Variants in CNTROB observed in about 807,000 individuals in gnomAD.
CNTROB encodes the protein centrobin.
A neutral mutation model predicts 115.7 loss-of-function variants in CNTROB; 82 were observed. The ratio of observed to expected loss-of-function variants is 0.71; its 90% CI spans 0.59 to 0.85. The LOEUF (loss-of-function observed/expected upper bound fraction) is 0.85. CNTROB is among the 40% of genes least tolerant of loss of function. CNTROB has a pLI of 0.00. For missense variants in CNTROB, 1,014 were observed against 1,144.4 expected (o/e 0.89, Z 1.64); for synonymous variants, 439 against 456.4 (o/e 0.96, Z 0.49).
Position 7,933,103 on chromosome 17 carries a change from C to T in CNTROB, c.24C>T (p.Pro8=). 1 of 1,614,142 alleles carries T rather than the reference C, an allele frequency of 6.2e-7. No individual in the cohort carries two copies. Among genetic ancestry groups the T allele is most frequent in the Non-Finnish European group, 8.5e-7 (1 of 1,180,014 alleles). MATSADS[P]SSPLGAEDLL... ...TCATGGCAACATCAGCTGACAGCCCCAGTTCACCCCTCGGGGCGGAGGATC... is the reference window on the plus strand; with the variant it reads ...TCATGGCAACATCAGCTGACAGCCCTAGTTCACCCCTCGGGGCGGAGGATC... The change falls in exon 1 of 19, where the codon CCC becomes CCT. Residue 8 remains proline (P), a synonymous_variant. Coordinates refer to ENST00000563694, the MANE Select transcript of CNTROB (RefSeq NM_053051.5).
chr17:7,935,087 A>G lies in CNTROB; in HGVS notation c.536A>G (p.Asn179Ser), dbSNP rs772353465. 19 of 1,613,858 alleles carry G rather than the reference A, an allele frequency of 1.2e-5. No homozygotes were observed. The East Asian group carries it at 4.2e-4, about 36-fold the overall frequency. ...YTSLRPGPPL[N>S]PPDFQGLRDA... ...AGCCTTCGGCCAGGGCCTCCACTCAATCCCCCAGATTTTCAGGGGCTGAGA... is the reference window on the plus strand; with the variant it reads ...AGCCTTCGGCCAGGGCCTCCACTCAGTCCCCCAGATTTTCAGGGGCTGAGA... The change falls in exon 4 of 19, where the codon AAT becomes AGT. Residue 179 changes from asparagine to serine, a missense_variant. Coordinates refer to ENST00000563694, the MANE Select transcript of CNTROB (RefSeq NM_053051.5).
chr17:7,934,145 C>A lies in CNTROB; in HGVS notation c.278C>A (p.Ser93Tyr). 6.2e-7 allele frequency: 1 copy of A among 1,613,974 alleles called. No homozygotes were observed. The highest frequency in any genetic ancestry group is 1.1e-5 in the South Asian group (1 of 91,082). Residue 93 changes from serine to tyrosine, a missense_variant, in exon 2 of 19, where the codon TCT becomes TAT. By Grantham distance (144) the Ser-to-Tyr change is moderately radical. Coordinates refer to ENST00000563694, the MANE Select transcript of CNTROB (RefSeq NM_053051.5). ...LEKNLKKKDG[S>Y]KHIFEMESVR... is the part of the protein sequence containing the mutation. ...CATGTGGCTTTTTTCCAGGATGGTTCTAAGCATATCTTTGAGATGGAAAGT... is the reference window on the plus strand; with the variant it reads ...CATGTGGCTTTTTTCCAGGATGGTTATAAGCATATCTTTGAGATGGAAAGT...
rs1187317156 is a variant in CNTROB at position 7,932,806 on chromosome 17, T to C, written c.-274T>C. ...AGCAGCGCTGTTGTCCCACAGTAGG[T>C]CTTCTGTCCGCACCCGCTCTGCGCT... On this transcript the variant is annotated 5_prime_UTR_variant, in exon 1 of 19. Coordinates refer to ENST00000563694, the MANE Select transcript of CNTROB (RefSeq NM_053051.5). The C allele has an allele frequency of 2.4e-6, 1 of 418,676 alleles. No homozygotes were observed. The highest frequency in any genetic ancestry group is 4.3e-6 in the Non-Finnish European group (1 of 234,966). 25.9% of individuals were successfully genotyped at this position (418,676 alleles called of 1,614,324 possible).
rs778288300 is a variant in CNTROB, at chr17:7,945,818, C to T, written c.1825C>T (p.Leu609=). The change falls in exon 13 of 19, where the codon CTG becomes TTG. Residue 609 remains leucine (L), a synonymous_variant. Transcript: ENST00000563694. ...VWTMPPMAVA[L]KPVLQQSREA... ...GACTATGCCTCCCATGGCCGTGGCCCTGAAGCCTGTATTGCAGCAGAGCCG... is the reference window on the plus strand; with the variant it reads ...GACTATGCCTCCCATGGCCGTGGCCTTGAAGCCTGTATTGCAGCAGAGCCG... 2 of 1,614,226 alleles carry T rather than the reference C, an allele frequency of 1.2e-6. No individual in the cohort carries two copies. Among genetic ancestry groups the T allele is most frequent in the Non-Finnish European group, 8.5e-7 (1 of 1,180,040 alleles).
rs775055927 is a variant in CNTROB at position 7,936,403 on chromosome 17, T to C, written c.632T>C (p.Val211Ala). ...CATATTCAGAGCCTGCAGACCCGAG[T>C]GTTAGAGCTACAGCAACAATTAGCC... ...ERHIQSLQTR[V>A]LELQQQLAVA... The change falls in exon 5 of 19, where the codon GTG becomes GCG. Residue 211 changes from valine (V) to alanine (A), a missense_variant. By Grantham distance (64) the Val-to-Ala change is moderately conservative (BLOSUM62 0). Coordinates refer to ENST00000563694, the MANE Select transcript of CNTROB (RefSeq NM_053051.5). 1.9e-6 allele frequency: 3 copies of C among 1,559,848 alleles called. No individual in the cohort carries two copies. In the South Asian group the frequency reaches 3.3e-5, roughly 17 times the overall value.
rs1027814710 is a variant in CNTROB, at chr17:7,943,640, G to A, written c.1445+116G>A. 27 of 1,121,884 alleles carry A rather than the reference G, an allele frequency of 2.4e-5. No individual in the cohort carries two copies. Among genetic ancestry groups the A allele is most frequent in the South Asian group, 1.1e-4 (6 of 56,366 alleles). The allele number at this position is 1,121,884 out of a possible 1,614,324, so 69.5% of individuals were successfully genotyped here. A position where few individuals can be genotyped will look rare whatever the true frequency, so the allele number is the denominator to read the frequency against. The stretch of plus-strand genomic sequence containing the variant: ...TCCAGCACTGTGACTCCCAGGGTGC[G>A]CTAACTCCCATCAGCTGGGACCTGA... On this transcript the variant is annotated intron_variant, in intron 10 of 18. Coordinates refer to ENST00000563694, the MANE Select transcript of CNTROB (RefSeq NM_053051.5). This position sits in a 1 kb window ranked among gnomAD's most constrained non-coding sequence, Gnocchi z 4.7.
Position 7,943,550 on chromosome 17 carries a change from T to C in CNTROB, c.1445+26T>C. ...GTACGTGGGACTCACTGGGTGTCAC[T>C]TCTCTCAGCCACAGCACGTATCGTT... On this transcript the variant is annotated intron_variant, in intron 10 of 18. Coordinates refer to ENST00000563694, the MANE Select transcript of CNTROB (RefSeq NM_053051.5). This position sits in a 1 kb window ranked among gnomAD's most constrained non-coding sequence, Gnocchi z 4.7. 6.2e-7 allele frequency: 1 copy of C among 1,601,232 alleles called. No individual in the cohort carries two copies. Among genetic ancestry groups the C allele is most frequent in the Non-Finnish European group, 8.5e-7 (1 of 1,171,078 alleles).
chr17:7,947,601 A>C lies in CNTROB; in HGVS notation c.2024A>C (p.His675Pro), dbSNP rs370255639. ...AGAFSALGAF[H>P]PDHRAERPFP... ...GCCTTCTCTGCACTTGGGGCCTTCC[A>C]TCCCGATCATAGGGCAGAAAGGCCA... Residue 675 changes from histidine to proline, a missense_variant, in exon 14 of 19, where the codon CAT becomes CCT. Coordinates refer to ENST00000563694, the MANE Select transcript of CNTROB (RefSeq NM_053051.5). 3 of 1,612,558 alleles carry C rather than the reference A, an allele frequency of 1.9e-6. No individual in the cohort carries two copies. Among genetic ancestry groups the C allele is most frequent in the African/African-American group, 2.7e-5 (2 of 74,894 alleles).
chr17:7,942,863 G>A lies in CNTROB; in HGVS notation c.1312-528G>A, dbSNP rs374416171. On this transcript the variant is annotated intron_variant, in intron 9 of 18. Transcript: ENST00000563694. ...GTCTCCCAGGTTGGAGTGCAGTGGCGCGATCTCGGCTCACTGCAAGCTCCG... is the reference window on the plus strand; with the variant it reads ...GTCTCCCAGGTTGGAGTGCAGTGGCACGATCTCGGCTCACTGCAAGCTCCG... 8.6e-5 allele frequency among the ~76,000 whole-genome samples: 11 copies of A among 127,914 alleles called. No homozygotes were observed. The East Asian group carries it at 1.7e-3, about 20-fold the overall frequency. 83.9% of individuals were successfully genotyped at this position (127,914 alleles called of 152,430 possible). A position where few individuals can be genotyped will look rare whatever the true frequency, so the allele number is the denominator to read the frequency against.
chr17:7,943,689 C>T lies in CNTROB; in HGVS notation c.1445+165C>T. The T allele has an allele frequency of 1.4e-6, 1 of 715,002 alleles. No individual in the cohort carries two copies. Among genetic ancestry groups the T allele is most frequent in the East Asian group, 2.8e-5 (1 of 35,730 alleles). 44.3% of individuals were successfully genotyped at this position (715,002 alleles called of 1,614,324 possible). A position where few individuals can be genotyped will look rare whatever the true frequency, so the allele number is the denominator to read the frequency against. ...GAGTCTCTCTCGGGAGGGCTGCCTT[C>T]ACGCGTTCATGGAGAGCCAGAAGTG... On this transcript the variant is annotated intron_variant, in intron 10 of 18. Coordinates refer to ENST00000563694, the MANE Select transcript of CNTROB (RefSeq NM_053051.5). The surrounding 1 kb of genome is among the most constrained non-coding windows in gnomAD (Gnocchi z 4.7).
In CNTROB at chr17:7,948,622, A is replaced by G; in HGVS notation, c.2513+3A>G. The stretch of plus-strand genomic sequence containing the variant: ...CTGAAGAGGCTGGAACACAGCGGGT[A>G]CAAGCCTGGGAGGAAGGAGGAAGGA... On this transcript the variant is annotated splice_donor_region_variant and intron_variant, in intron 17 of 18. Transcript: ENST00000563694. This position sits in a 1 kb window ranked among gnomAD's most constrained non-coding sequence, Gnocchi z 4.4. The G allele has an allele frequency of 6.2e-7, 1 of 1,614,152 alleles. No homozygotes were observed. Among genetic ancestry groups the G allele is most frequent in the Non-Finnish European group, 8.5e-7 (1 of 1,180,034 alleles).
At chr17:7,935,217 G>C in intron 4 of CNTROB, 72 bp downstream of exon 4, 1 of 1,603,336 alleles carries the variant, frequency 6.2e-7, no homozygotes, top group Non-Finnish European at 8.5e-7. Flanking sequence ...GAAAAGGGCT[G>C]AGGGGGCCTG....
In CNTROB at chr17:7,949,126, A is replaced by G; in HGVS notation, c.2555A>G (p.Asp852Gly). ...RGDNVPRRNT[D>G]SRLGEIPRKE... Reference sequence around the variant, plus strand: ...GATAATGTCCCCAGAAGGAACACAGACTCCCGCTTGGGTGAGATCCCCCGG... The same window carrying G: ...GATAATGTCCCCAGAAGGAACACAGGCTCCCGCTTGGGTGAGATCCCCCGG... Residue 852 changes from aspartate (D) to glycine (G), a missense_variant, in exon 18 of 19, where the codon GAC (aspartate) becomes GGC (glycine). Asp to Gly is a moderately conservative substitution (Grantham distance 94). Coordinates refer to ENST00000563694, the MANE Select transcript of CNTROB (RefSeq NM_053051.5). 6.2e-7 allele frequency: 1 copy of G among 1,613,940 alleles called. No homozygotes were observed. Among genetic ancestry groups the G allele is most frequent in the South Asian group, 1.1e-5 (1 of 91,072 alleles).
In CNTROB at chr17:7,939,856, G is replaced by A; in HGVS notation, c.1164+107G>A. On this transcript the variant is annotated intron_variant, in intron 8 of 18. Transcript: ENST00000563694. The surrounding 1 kb of genome is among the most constrained non-coding windows in gnomAD (Gnocchi z 4.4). ...ATGGGGGATACATATAGGCAGGAAT[G>A]GAGAGTAGAGAGCCATGTGTGGGAG... 1 of 1,179,884 alleles carries A rather than the reference G, an allele frequency of 8.5e-7. No individual in the cohort carries two copies. The highest frequency in any genetic ancestry group is 1.2e-6 in the Non-Finnish European group (1 of 813,044). The allele number at this position is 1,179,884 out of a possible 1,614,324, so 73.1% of individuals were successfully genotyped here.
chr17:7,941,707 C>G (rs1413431872), intron 9 of CNTROB, among the ~76,000 whole-genome samples: 1 of 151,772 alleles, frequency 6.6e-6, no homozygotes, highest in African/African-American at 2.4e-5. Flanking sequence ...CACCTGGAAT[C>G]CCAGCACTTT....
intron 9 of CNTROB, among the ~76,000 whole-genome samples, chr17:7,941,753 A>G (rs1350031022): frequency 6.6e-6 from 1 of 151,640 alleles, no homozygotes; most frequent in Non-Finnish European, 1.5e-5. Flanking sequence ...TGAGCCCAGG[A>G]GTTCAAGACC....
intron 9 of CNTROB, among the ~76,000 whole-genome samples, chr17:7,942,172 T>C (rs1973955454): frequency 6.6e-6 from 1 of 151,844 alleles, no homozygotes; most frequent in Non-Finnish European, 1.5e-5. Flanking sequence ...GAGGCTGAGG[T>C]GGGAGGATCT....
intron 9 of CNTROB, among the ~76,000 whole-genome samples, chr17:7,942,693 G>A (rs1037590005): frequency 4.7e-5 from 7 of 148,424 alleles, no homozygotes; most frequent in Non-Finnish European, 8.9e-5. Flanking sequence ...CTGTGGCTGA[G>A]AAAATGGAGA....
intron 1 of CNTROB, 32 bp downstream of exon 1, chr17:7,933,381 G>A: frequency 1.9e-6 from 3 of 1,583,620 alleles, no homozygotes; most frequent in Non-Finnish European, 2.6e-6. Flanking sequence ...GACCACTGTG[G>A]CACTAGACAC....
Sources: gnomAD v4.1 joint callset for allele counts (sites outside exome capture counted in the v4.1 genomes callset) on GRCh38, gnomAD v4.1.1 for gene constraint, Gnocchi (gnomAD v3.1) non-coding constraint, MANE v1.5 for transcripts, NCBI Gene and HGNC (gene_info 2026-07-23, HGNC 2026-07-21) for gene names.